Variants in MISP observed in about 807,000 individuals in gnomAD.
MISP encodes mitotic interactor and substrate of PLK1.
Under a neutral mutation model 49.3 loss-of-function variants are expected in MISP, and 51 were observed. The ratio of observed to expected loss-of-function variants is 1.03; its 90% CI spans 0.83 to 1.31. The LOEUF (loss-of-function observed/expected upper bound fraction) is 1.31. Ranked by LOEUF, MISP falls within the 50% of genes most tolerant of loss-of-function variation. The probability of loss-of-function intolerance (pLI) is 0.00; values close to 1 mark genes in which losing one functional copy is unlikely to be tolerated. For synonymous variants in MISP, 444 were observed against 392.6 expected, an observed-to-expected ratio of 1.13 and a Z score of -1.55; for missense variants, 1,084 against 935.1, an observed-to-expected ratio of 1.16 and a Z score of -2.08.
At position 758,411 on chromosome 19, in the gene MISP, C is replaced by T. The variant is rs753869999; in HGVS notation, c.1465C>T (p.Arg489Trp). The T allele has an allele frequency of 2.3e-5, 37 of 1,614,114 alleles. No individual in the cohort carries two copies. The highest frequency in any genetic ancestry group is 5.0e-5 in the Admixed American group (3 of 60,006). The change falls in exon 2 of 5, where the codon CGG (arginine) becomes TGG (tryptophan). Residue 489 changes from arginine to tryptophan, a missense_variant. Transcript: ENST00000215582. ...AAAGCAAGAGGCATCGAAGCCCCCT[C>T]GGGGATGCCCGCAAGCCAACAGGGG... ...STKQEASKPP[R>W]GCPQANRGVV... is the part of the protein sequence containing the mutation.
At chr19:763,433 A>G in intron 4 of MISP, 68 bp from the exon 5 acceptor site, 1 of 1,120,670 alleles carries the variant, frequency 8.9e-7, no homozygotes, top group Non-Finnish European at 1.4e-6. Context: ...ATGAATTGGC[A>G]GTTGGAGGAG....
intron 3 of MISP, 104 bp downstream of exon 3, chr19:760,143 C>G (rs1295819388): frequency 4.5e-6 from 6 of 1,335,518 alleles, no homozygotes; most frequent in Non-Finnish European, 6.2e-6. Context: ...TGGGTTCAAG[C>G]ACTACCCCCA....
chr19:753,852 C>T (rs1305549071), intron 1 of MISP, among the ~76,000 whole-genome samples: 1 of 151,982 alleles, frequency 6.6e-6, no homozygotes, highest in South Asian at 2.1e-4. Flanking sequence ...TCTCAGCTCA[C>T]CGCAACCTCC....
In MISP at chr19:763,634, G is replaced by A. The variant is rs190674465; in HGVS notation, c.*44G>A. On this transcript the variant is annotated 3_prime_UTR_variant, in exon 5 of 5. Coordinates refer to ENST00000215582, the MANE Select transcript of MISP (RefSeq NM_173481.4). ...CACCCCCTGCCCTGCCCTGACCCTC[G>A]TGGGAACTGCCAAGACCATCGCCAA... 2,420 of 1,449,828 alleles carry A rather than the reference G, an allele frequency of 1.7e-3. 5 individuals carry two copies. Among genetic ancestry groups the A allele is most frequent in the Admixed American group, 3.5e-3 (202 of 57,572 alleles). The allele number at this position is 1,449,828 out of a possible 1,614,324, so 89.8% of individuals were successfully genotyped here.
At chr19:754,334 G>A (rs1389116007) in intron 1 of MISP, among the ~76,000 whole-genome samples, 19 of 152,232 alleles carry the variant, frequency 1.2e-4, no homozygotes. Context: ...CGTGGTGGCG[G>A]GCGCCCGTAG....
chr19:760,983 G>A (rs1259552810), intron 3 of MISP, among the ~76,000 whole-genome samples: 1 of 150,112 alleles, frequency 6.7e-6, no homozygotes, highest in African/African-American at 2.5e-5. Context: ...GTTCATGTAT[G>A]TTTATCCTCT....
chr19:750,694 A>G (rs1308689435), upstream of MISP, among the ~76,000 whole-genome samples: 1 of 152,114 alleles, frequency 6.6e-6, no homozygotes, highest in Admixed American at 6.5e-5. Flanking sequence ...GGGGCCATCT[A>G]GGGGAGTTGC....
At chr19:763,043 A>C (rs1436449951) in intron 4 of MISP, among the ~76,000 whole-genome samples, 1 of 152,148 alleles carries the variant, frequency 6.6e-6, no homozygotes, top group African/African-American at 2.4e-5. Flanking sequence ...TAATCTCAGC[A>C]CTTTGGGAGG....
chr19:748,784 T>C (rs963809375), upstream of MISP, among the ~76,000 whole-genome samples: 2 of 152,314 alleles, frequency 1.3e-5, no homozygotes, highest in African/African-American at 2.4e-5. Context: ...CCCCACTCTC[T>C]CACGCTGTAG....
chr19:761,718 C>T, intron 4 of MISP, 55 bp downstream of exon 4: 2 of 1,599,654 alleles, frequency 1.3e-6, no homozygotes, highest in Non-Finnish European at 8.6e-7. Flanking sequence ...CATCTGTGCC[C>T]CTGCACACAG....
rs532619286 is a variant in MISP at position 762,280 on chromosome 19, T to TCTCG, written c.1950+621_1950+624dup. Among the ~76,000 whole-genome samples, 25 of 143,012 alleles carry TCTCG rather than the reference T, an allele frequency of 1.7e-4. No homozygotes were observed. The South Asian group carries it at 5.5e-3, about 31-fold the overall frequency. The allele number at this position is 143,012 out of a possible 152,430, so 93.8% of individuals were successfully genotyped here. ...GCAATGTTTTTTTGGGAGGATGGAG[T>TCTCG]CTCGCTCTGTTGCCCAGGCTGGAGT... is the stretch of plus-strand genomic sequence containing the variant. On this transcript the variant is annotated intron_variant, in intron 4 of 4. Coordinates refer to ENST00000215582, the MANE Select transcript of MISP (RefSeq NM_173481.4).
chr19:762,932 A>G (rs2033696837), intron 4 of MISP, among the ~76,000 whole-genome samples: 1 of 152,148 alleles, frequency 6.6e-6, no homozygotes, highest in South Asian at 2.1e-4. Context: ...TCAGCACACC[A>G]AATTTCTGGG....
intron 1 of MISP, among the ~76,000 whole-genome samples, chr19:754,490 G>C (rs144770664): frequency 0.014 from 2,073 of 152,220 alleles, 23 homozygotes; most frequent in Middle Eastern, 0.051. Context: ...AGCCGGGTGT[G>C]GGGGCGGGTG....
rs150692437 is a variant in MISP at position 756,087 on chromosome 19, C to T, written c.-57-803C>T. On this transcript the variant is annotated intron_variant, in intron 1 of 4. Transcript: ENST00000215582. ...GTAGTAACCGGGACATTCAGAGATT[C>T]AGGTATGGTTGGAATCAGGGAGCTT... Among the ~76,000 whole-genome samples, 9 of 152,256 alleles carry T rather than the reference C, an allele frequency of 5.9e-5. No homozygotes were observed. The East Asian group carries it at 1.7e-3, about 29-fold the overall frequency.
chr19:751,974 G>A (rs1358212037), intron 1 of MISP, among the ~76,000 whole-genome samples: 1 of 152,178 alleles, frequency 6.6e-6, no homozygotes, highest in Non-Finnish European at 1.5e-5. Flanking sequence ...CATAAACCCA[G>A]TTTCATTCTG....
In MISP at chr19:757,481, A is replaced by G; in HGVS notation, c.535A>G (p.Thr179Ala). Residue 179 changes from threonine to alanine, a missense_variant, in exon 2 of 5, where the codon ACG becomes GCG. Transcript: ENST00000215582. ...CAGGACCCCCGGCCCACCTCGGTCC[A>G]CGCCCCTGGAGGAGAACGTGGTTGA... is the stretch of plus-strand genomic sequence containing the variant. ...DPRTPGPPRS[T>A]PLEENVVDRE... The G allele has an allele frequency of 6.3e-7, 1 of 1,598,258 alleles. No homozygotes were observed. The highest frequency in any genetic ancestry group is 8.5e-7 in the Non-Finnish European group (1 of 1,173,186).
intron 3 of MISP, among the ~76,000 whole-genome samples, chr19:760,938 A>G (rs2033663028): frequency 6.6e-6 from 1 of 151,874 alleles, no homozygotes; most frequent in Non-Finnish European, 1.5e-5. Context: ...GTTTTACTTT[A>G]TGAATTTTGA....
chr19:753,668 T>C (rs4353579), intron 1 of MISP, among the ~76,000 whole-genome samples: 115,067 of 151,770 alleles, frequency 0.76, 43,800 homozygotes, highest in East Asian at 0.9. Context: ...CCACTGTGCC[T>C]GGCCGACCCT....
intron 2 of MISP, among the ~76,000 whole-genome samples, chr19:759,392 T>A (rs2144964858): frequency 7.3e-6 from 1 of 136,102 alleles, no homozygotes; most frequent in Non-Finnish European, 1.5e-5. Context: ...CTTGTGTCAC[T>A]TTTAATGTTT....
Sources: allele counts gnomAD v4.1 joint callset (sites outside exome capture counted in the v4.1 genomes callset), GRCh38; gene constraint gnomAD v4.1.1; transcripts MANE v1.5; gene names NCBI Gene and HGNC (gene_info 2026-07-23, HGNC 2026-07-21).